The following ENOX2 variants were observed in gnomAD, a reference collection of about 807,000 sequenced individuals.
The protein encoded by ENOX2 is ecto-NOX disulfide-thiol exchanger 2.
In ENOX2, 36 loss-of-function variants were observed where a neutral mutation model predicts 45.0. The ratio of observed to expected loss-of-function variants is 0.80; its 90% CI spans 0.61 to 1.06. The LOEUF (loss-of-function observed/expected upper bound fraction) is 1.06. Among genes scored for constraint, ENOX2 ranks in the 50% least tolerant of loss-of-function variants. ENOX2 has a pLI of 0.00. For synonymous variants in ENOX2, 174 were observed against 152.3 expected, an observed-to-expected ratio of 1.14 and a Z score of -1.05; for missense variants, 423 against 462.5, an observed-to-expected ratio of 0.91 and a Z score of 0.78.
At chrX:130,633,182 C>T (rs2035830188) in intron 12 of ENOX2, among the ~76,000 whole-genome samples, 2 of 111,984 alleles carry the variant, frequency 1.8e-5, no homozygotes, top group Admixed American at 1.9e-4. Context: ...ATAAGTCACA[C>T]TGTTATACTG....
At chrX:130,672,336 A>T (rs750530251) in intron 6 of ENOX2, among the ~76,000 whole-genome samples, 56 of 112,109 alleles carry the variant, frequency 5.0e-4, no homozygotes, top group Non-Finnish European at 9.4e-4. Context: ...CGCAGCCACC[A>T]CCTGAACCCT....
chrX:130,723,753 A>T (rs780278340), intron 3 of ENOX2, among the ~76,000 whole-genome samples: 1 of 110,851 alleles, frequency 9.0e-6, no homozygotes, highest in Non-Finnish European at 1.9e-5. Context: ...AACATTTTCC[A>T]CTCCGGATGT....
chrX:130,846,971 C>A (rs1249365845), intron 2 of ENOX2, among the ~76,000 whole-genome samples: 1 of 112,263 alleles, frequency 8.9e-6, no homozygotes, highest in Non-Finnish European at 1.9e-5. Context: ...GGGAAACATT[C>A]TTGAAACATC....
intron 2 of ENOX2, among the ~76,000 whole-genome samples, chrX:130,847,840 T>A (rs1203228890): frequency 2.7e-5 from 3 of 112,093 alleles, no homozygotes; most frequent in Non-Finnish European, 3.8e-5. Flanking sequence ...AGTTCCAGTA[T>A]TATTCTAGGC....
chrX:130,656,500 C>A lies in ENOX2; in HGVS notation c.1129+81G>T, dbSNP rs776956817. On this transcript the variant is annotated intron_variant, in intron 10 of 14. Coordinates refer to ENST00000394363, the MANE Select transcript of ENOX2 (RefSeq NM_006375.4). ...CCAGGCTGATAGGTTGATGGCCATA[C>A]CTTACTGGGTATTAAAAGTTTGAAA... The A allele has an allele frequency of 1.8e-5, 11 of 605,722 alleles. No individual in the cohort carries two copies. In the South Asian group the frequency reaches 2.7e-4, roughly 15 times the overall value. The allele number at this position is 605,722 out of a possible 1,213,427, so 49.9% of individuals were successfully genotyped here. A position where few individuals can be genotyped will look rare whatever the true frequency, so the allele number is the denominator to read the frequency against.
chrX:130,667,431 T>C, intron 8 of ENOX2, 99 bp downstream of exon 8: 1 of 747,160 alleles, frequency 1.3e-6, no homozygotes, highest in Non-Finnish European at 2.1e-6. Flanking sequence ...CCTTGAGCCT[T>C]AACACAGGAT....
intron 2 of ENOX2, among the ~76,000 whole-genome samples, chrX:130,801,563 A>G (rs1179428207): frequency 8.9e-6 from 1 of 112,229 alleles, no homozygotes; most frequent in Non-Finnish European, 1.9e-5. Context: ...CAAATTATTC[A>G]ATATAACATA....
intron 10 of ENOX2, among the ~76,000 whole-genome samples, chrX:130,647,723 C>T (rs2036275567): frequency 9.0e-6 from 1 of 111,086 alleles, no homozygotes; most frequent in Non-Finnish European, 1.9e-5. Flanking sequence ...AAATTATTGA[C>T]CTGGGAGCAG....
Position 130,637,223 on chromosome X carries a change from C to T in ENOX2, c.1311+6G>A. The stretch of plus-strand genomic sequence containing the variant: ...CCAGAAGCTCAGAAAACCAAAATGC[C>T]TTTACCTGTTGCATTCCTTGCAGGG... On this transcript the variant is annotated splice_donor_region_variant and intron_variant, in intron 11 of 14. Coordinates refer to ENST00000394363, the MANE Select transcript of ENOX2 (RefSeq NM_006375.4). 8.3e-7 allele frequency: 1 copy of T among 1,210,257 alleles called. No individual in the cohort carries two copies. The highest frequency in any genetic ancestry group is 1.8e-5 in the South Asian group (1 of 56,899).
At chrX:130,792,434 G>A (rs1480416987) in intron 2 of ENOX2, among the ~76,000 whole-genome samples, 1 of 112,557 alleles carries the variant, frequency 8.9e-6, no homozygotes, top group East Asian at 2.8e-4. Flanking sequence ...AATCTCTGGA[G>A]ATGTGCTATG....
intron 3 of ENOX2, among the ~76,000 whole-genome samples, chrX:130,775,912 C>T (rs1245004968): frequency 7.2e-5 from 8 of 111,193 alleles, no homozygotes; most frequent in African/African-American, 2.3e-4. Flanking sequence ...TTTTAAGTTG[C>T]TTTCCCCATT....
At chrX:130,874,449 A>G (rs1355686026) in intron 2 of ENOX2, among the ~76,000 whole-genome samples, 2 of 112,332 alleles carry the variant, frequency 1.8e-5, no homozygotes, top group Non-Finnish European at 3.8e-5. Flanking sequence ...TGGGTCAACT[A>G]TGGAAATCAT....
At position 130,778,979 on chromosome X, in the gene ENOX2, G is replaced by A. The variant is rs7054160; in HGVS notation, c.-39+4568C>T. 3.9e-3 allele frequency among the ~76,000 whole-genome samples: 437 copies of A among 112,382 alleles called. 2 individuals carry two copies. Among genetic ancestry groups the A allele is most frequent in the African/African-American group, 0.014 (421 of 30,975 alleles). On this transcript the variant is annotated intron_variant, in intron 3 of 14. Coordinates refer to ENST00000394363, the MANE Select transcript of ENOX2 (RefSeq NM_006375.4). ...TGATGTTGCTTAAAACAATGCATTC[G>A]ATTTTAGTCATCATCCAGTTGGCCT...
intron 3 of ENOX2, among the ~76,000 whole-genome samples, chrX:130,708,409 T>G (rs1346168899): frequency 8.9e-6 from 1 of 111,750 alleles, no homozygotes; most frequent in Non-Finnish European, 1.9e-5. Context: ...AGTGATCAGC[T>G]CAACATCACA....
chrX:130,675,069 C>A (rs1427472944), intron 6 of ENOX2, among the ~76,000 whole-genome samples: 21 of 105,951 alleles, frequency 2.0e-4, no homozygotes, highest in Non-Finnish European at 4.1e-4. Context: ...AATAGTGCCG[C>A]AATAAACATA....
At chrX:130,810,267 C>T (rs1280481051) in intron 2 of ENOX2, among the ~76,000 whole-genome samples, 2 of 110,860 alleles carry the variant, frequency 1.8e-5, no homozygotes, top group Non-Finnish European at 3.8e-5. Flanking sequence ...TCTAAGCCCA[C>T]CATGGCATCA....
At chrX:130,749,363 A>C (rs768731074) in intron 3 of ENOX2, among the ~76,000 whole-genome samples, 1 of 112,068 alleles carries the variant, frequency 8.9e-6, no homozygotes, top group African/African-American at 3.2e-5. Flanking sequence ...AAAACTGTAA[A>C]GGAGAAAAGC....
chrX:130,716,674 A>G (rs911835538), intron 3 of ENOX2, among the ~76,000 whole-genome samples: 3 of 112,135 alleles, frequency 2.7e-5, no homozygotes, highest in Non-Finnish European at 5.6e-5. Context: ...AACAATACAC[A>G]TGCAAGTAAA....
At chrX:130,652,076 T>C (rs1241156359) in intron 10 of ENOX2, among the ~76,000 whole-genome samples, 1 of 112,186 alleles carries the variant, frequency 8.9e-6, no homozygotes, top group South Asian at 3.7e-4. Flanking sequence ...TCTTGATCTA[T>C]GGTCTTTGTT....
Sources: allele counts gnomAD v4.1 joint callset (sites outside exome capture counted in the v4.1 genomes callset), GRCh38; gene constraint gnomAD v4.1.1; transcripts MANE v1.5; gene names NCBI Gene and HGNC (gene_info 2026-07-23, HGNC 2026-07-21).